The following NDFIP2 variants were observed in gnomAD, a reference collection of about 807,000 sequenced individuals.
The protein encoded by NDFIP2 is Nedd4 family interacting protein 2, also known as NEDD4 family-interacting protein 2.
A neutral mutation model predicts 36.0 loss-of-function variants in NDFIP2; 19 were observed. The ratio of observed to expected loss-of-function variants is 0.53; its 90% CI spans 0.37 to 0.77. NDFIP2 has a LOEUF of 0.77. NDFIP2 is among the 30% of genes least tolerant of loss of function. NDFIP2 has a pLI of 0.00. For synonymous variants in NDFIP2, 181 were observed against 167.7 expected (o/e 1.08, Z -0.61); for missense variants, 446 against 435.8 (o/e 1.02, Z -0.21).
intron 1 of NDFIP2, among the ~76,000 whole-genome samples, chr13:79,502,232 T>G (rs1873694716): frequency 1.3e-5 from 2 of 152,204 alleles, no homozygotes; most frequent in African/African-American, 4.8e-5. Flanking sequence ...CAAATCATGT[T>G]CTTTTTTTAG....
intron 1 of NDFIP2, among the ~76,000 whole-genome samples, chr13:79,482,686 T>G (rs1051992191): frequency 6.6e-6 from 1 of 152,222 alleles, no homozygotes; most frequent in African/African-American, 2.4e-5. Context: ...ATGAAGGAAC[T>G]GTAAGATGAG....
chr13:79,509,688 T>TAGAGAGAG (rs147787220), intron 1 of NDFIP2, among the ~76,000 whole-genome samples: 10,995 of 140,202 alleles, frequency 0.078, 511 homozygotes, highest in African/African-American at 0.14. Context: ...TATATATATA[T>TAGAGAGAG]ATAGAGAGAG....
chr13:79,549,077 T>C (rs1323192312), intron 6 of NDFIP2, among the ~76,000 whole-genome samples: 1 of 152,010 alleles, frequency 6.6e-6, no homozygotes, highest in African/African-American at 2.4e-5. Context: ...TAAAAGCCCA[T>C]GTTTCACTCA....
intron 1 of NDFIP2, among the ~76,000 whole-genome samples, chr13:79,495,211 A>G (rs991290394): frequency 2.0e-5 from 3 of 151,946 alleles, no homozygotes; most frequent in Non-Finnish European, 4.4e-5. Flanking sequence ...GTTGTTGCAT[A>G]TAGTGTTCTA....
intron 1 of NDFIP2, among the ~76,000 whole-genome samples, chr13:79,508,813 G>T (rs931025417): frequency 1.3e-5 from 2 of 152,142 alleles, no homozygotes; most frequent in Non-Finnish European, 2.9e-5. Context: ...GAGTTGCTCT[G>T]GTTCAAACAT....
At chr13:79,537,717 C>T (rs1424090342) in intron 3 of NDFIP2, among the ~76,000 whole-genome samples, 2 of 152,166 alleles carry the variant, frequency 1.3e-5, no homozygotes, top group Non-Finnish European at 2.9e-5. Context: ...GTGGAAACAA[C>T]ATCAGTGTCC....
chr13:79,508,393 A>G (rs537145544), intron 1 of NDFIP2, among the ~76,000 whole-genome samples: 74 of 152,334 alleles, frequency 4.9e-4, no homozygotes, highest in South Asian at 2.3e-3. Flanking sequence ...AGTGAAAGCA[A>G]GTTTATTAGA....
intron 5 of NDFIP2, among the ~76,000 whole-genome samples, chr13:79,547,005 G>C (rs1875708185): frequency 6.6e-6 from 1 of 151,770 alleles, no homozygotes; most frequent in African/African-American, 2.4e-5. Context: ...TATGTTTTTA[G>C]TAGTACTTTG....
chr13:79,524,485 A>G (rs1874713080), intron 2 of NDFIP2, among the ~76,000 whole-genome samples: 2 of 152,198 alleles, frequency 1.3e-5, no homozygotes, highest in Admixed American at 6.5e-5. Flanking sequence ...AATACTAGGC[A>G]AGTGTATGTG....
intron 1 of NDFIP2, among the ~76,000 whole-genome samples, chr13:79,512,451 GAAAA>G (rs929259200): frequency 7.0e-6 from 1 of 143,200 alleles, no homozygotes; most frequent in African/African-American, 2.6e-5. Context: ...GGCTTTTGAG[GAAAA>G]AAAAAAAGGC....
intron 1 of NDFIP2, among the ~76,000 whole-genome samples, chr13:79,498,603 T>C (rs1189059521): frequency 2.0e-5 from 3 of 152,008 alleles, no homozygotes; most frequent in African/African-American, 4.8e-5. Flanking sequence ...TCATGCCATG[T>C]CATCCTATGT....
At chr13:79,494,717 A>G (rs1873372936) in intron 1 of NDFIP2, among the ~76,000 whole-genome samples, 1 of 151,548 alleles carries the variant, frequency 6.6e-6, no homozygotes, top group South Asian at 2.1e-4. Context: ...TTACTCTTTC[A>G]TTTTGGTGGA....
At chr13:79,488,593 T>C (rs1228596842) in intron 1 of NDFIP2, among the ~76,000 whole-genome samples, 1 of 152,156 alleles carries the variant, frequency 6.6e-6, no homozygotes, top group African/African-American at 2.4e-5. Context: ...AGATTTATGC[T>C]AAAGGTAAGG....
At chr13:79,521,270 A>C (rs1874571540) in intron 2 of NDFIP2, among the ~76,000 whole-genome samples, 1 of 152,128 alleles carries the variant, frequency 6.6e-6, no homozygotes. Flanking sequence ...TATCCCATAC[A>C]TATGATAATT....
chr13:79,522,919 C>T (rs149858362), intron 2 of NDFIP2, among the ~76,000 whole-genome samples: 1 of 152,324 alleles, frequency 6.6e-6, no homozygotes, highest in Admixed American at 6.5e-5. Context: ...TTCATCTCTA[C>T]TTCTTGATGA....
In NDFIP2 at chr13:79,531,583, C is replaced by T. The variant is rs143737782; in HGVS notation, c.488-1740C>T. ...TCTGCATAATTTGCTGCAGCTTCTA[C>T]GTCAGCACTCGCTGCTTCATGTTGC... On this transcript the variant is annotated intron_variant, in intron 2 of 7. Coordinates refer to ENST00000218652, the MANE Select transcript of NDFIP2 (RefSeq NM_019080.3). Among the ~76,000 whole-genome samples the T allele has an allele frequency of 4.6e-3, 698 of 152,344 alleles. 2 individuals carry two copies. The highest frequency in any genetic ancestry group is 0.01 in the Middle Eastern group (3 of 294).
At chr13:79,520,221 TC>T (rs1874514124) in intron 1 of NDFIP2, among the ~76,000 whole-genome samples, 1 of 152,210 alleles carries the variant, frequency 6.6e-6, no homozygotes, top group Non-Finnish European at 1.5e-5. Context: ...TATTCTAGAT[TC>T]ACACATTTTT....
At position 79,553,830 on chromosome 13, in the gene NDFIP2, A is replaced by G. The variant is rs1441544931; in HGVS notation, c.*1317A>G. 2 of 151,830 alleles carry G rather than the reference A, an allele frequency of 1.3e-5. No homozygotes were observed. The highest frequency in any genetic ancestry group is 3.0e-5 in the Non-Finnish European group (2 of 67,506). 9.4% of individuals were successfully genotyped at this position (151,830 alleles called of 1,614,324 possible). A position where few individuals can be genotyped will look rare whatever the true frequency, so the allele number is the denominator to read the frequency against. On this transcript the variant is annotated 3_prime_UTR_variant, in exon 8 of 8. Transcript: ENST00000218652. ...GTCTCATCTGTTTTTCCTTTCGGTT[A>G]TATCTTTGGTTTTGAATACCAACAT...
At position 79,481,320 on chromosome 13, in the gene NDFIP2, C is replaced by G. The variant is rs940330697; in HGVS notation, c.117C>G (p.Ala39=). The G allele has an allele frequency of 2.6e-6, 4 of 1,543,752 alleles. No homozygotes were observed. ...GTATNAEVSA[A]AAGATGSEEL... is the part of the protein sequence containing the mutation. ...CGACCAACGCGGAGGTCTCGGCGGCCGCTGCGGGAGCCACAGGAAGTGAAG... is the reference window on the plus strand; with the variant it reads ...CGACCAACGCGGAGGTCTCGGCGGCGGCTGCGGGAGCCACAGGAAGTGAAG... The change falls in exon 1 of 8, where the codon GCC becomes GCG. Residue 39 remains alanine, a synonymous_variant. Transcript: ENST00000218652.
Sources: gnomAD v4.1 joint callset for allele counts (sites outside exome capture counted in the v4.1 genomes callset) on GRCh38, gnomAD v4.1.1 for gene constraint, MANE v1.5 for transcripts, NCBI Gene and HGNC (gene_info 2026-07-23, HGNC 2026-07-21) for gene names.